CTNNA3: variants seen among roughly 807,000 people sequenced by gnomAD.
CTNNA3 encodes catenin alpha-3.
CTNNA3 carries 76 observed loss-of-function variants against 95.7 expected under a neutral mutation model. The observed-to-expected ratio is 0.79, with a 90% CI of 0.66 to 0.96. The LOEUF is 0.96. Ranked by LOEUF, CTNNA3 falls within the 40% of genes least tolerant of loss-of-function variation. CTNNA3 has a pLI of 0.00. For synonymous variants in CTNNA3, 431 were observed against 374.4 expected (o/e 1.15, Z -1.74); for missense variants, 1,191 against 1,089.8 (o/e 1.09, Z -1.31).
chr10:67,349,004 G>A (rs563987299), intron 5 of CTNNA3, among the ~76,000 whole-genome samples: 1 of 152,186 alleles, frequency 6.6e-6, no homozygotes, highest in South Asian at 2.1e-4. Flanking sequence ...CAACCACAAT[G>A]AGATATCATC....
intron 9 of CTNNA3, among the ~76,000 whole-genome samples, chr10:66,638,049 C>G (rs1408801872): frequency 2.0e-5 from 3 of 152,178 alleles, no homozygotes; most frequent in African/African-American, 7.2e-5. Flanking sequence ...CTCATTATCA[C>G]CTTCCACCAC....
intron 7 of CTNNA3, among the ~76,000 whole-genome samples, chr10:66,936,190 A>G (rs941444025): frequency 2.6e-5 from 4 of 152,198 alleles, no homozygotes; most frequent in African/African-American, 9.6e-5. Flanking sequence ...GGTCTAACAC[A>G]CACAGATGTG....
At chr10:67,135,653 T>A (rs1051748051) in intron 7 of CTNNA3, among the ~76,000 whole-genome samples, 1 of 152,128 alleles carries the variant, frequency 6.6e-6, no homozygotes, top group Non-Finnish European at 1.5e-5. Context: ...CCAGCCTGGA[T>A]GACAGAGTGA....
At chr10:67,155,140 G>T (rs1194685713) in intron 7 of CTNNA3, among the ~76,000 whole-genome samples, 1 of 151,678 alleles carries the variant, frequency 6.6e-6, no homozygotes, top group Middle Eastern at 3.2e-3. Flanking sequence ...CCAAGAACAA[G>T]AAGCATGTCT....
intron 7 of CTNNA3, among the ~76,000 whole-genome samples, chr10:67,000,691 A>T (rs1426821234): frequency 1.3e-5 from 2 of 152,206 alleles, no homozygotes; most frequent in Non-Finnish European, 2.9e-5. Flanking sequence ...ATATGAATTC[A>T]ATAGAAGAAA....
intron 12 of CTNNA3, among the ~76,000 whole-genome samples, chr10:66,349,656 A>G (rs12762103): frequency 0.11 from 16,001 of 152,098 alleles, 1,113 homozygotes; most frequent in East Asian, 0.24. Context: ...ATGATCTTTA[A>G]AAGTAATCAT....
At chr10:67,614,054 G>A (rs113863928) in intron 2 of CTNNA3, among the ~76,000 whole-genome samples, 94 of 152,282 alleles carry the variant, frequency 6.2e-4, no homozygotes, top group African/African-American at 2.1e-3. Flanking sequence ...GCAAGGAAGC[G>A]GACCCTACCA....
chr10:67,504,541 A>G (rs1839374063), intron 5 of CTNNA3, among the ~76,000 whole-genome samples: 1 of 151,902 alleles, frequency 6.6e-6, no homozygotes, highest in South Asian at 2.1e-4. Context: ...CTCTATATCC[A>G]CTAGGCCAGG....
intron 15 of CTNNA3, among the ~76,000 whole-genome samples, chr10:66,035,246 A>G (rs2079536434): frequency 6.6e-6 from 1 of 152,170 alleles, no homozygotes; most frequent in Non-Finnish European, 1.5e-5. Flanking sequence ...TGTGAAGCCG[A>G]AAAGGGTACA....
intron 12 of CTNNA3, among the ~76,000 whole-genome samples, chr10:66,367,046 C>T (rs1441975803): frequency 2.6e-5 from 4 of 152,164 alleles, no homozygotes; most frequent in African/African-American, 9.7e-5. Context: ...GCAGCCCACA[C>T]ACCCGGGCCT....
At chr10:66,589,779 T>G (rs1303866477) in intron 10 of CTNNA3, among the ~76,000 whole-genome samples, 2 of 152,126 alleles carry the variant, frequency 1.3e-5, no homozygotes, top group Non-Finnish European at 2.9e-5. Flanking sequence ...GCTTTTTCCC[T>G]TAGATAAGAT....
At chr10:66,832,196 ACT>A (rs1212431237) in intron 7 of CTNNA3, among the ~76,000 whole-genome samples, 1 of 152,114 alleles carries the variant, frequency 6.6e-6, no homozygotes, top group African/African-American at 2.4e-5. Context: ...AGAAAAAATG[ACT>A]CTATAGTTTT....
chr10:67,246,397 A>G (rs1865910074), intron 5 of CTNNA3, among the ~76,000 whole-genome samples: 1 of 152,210 alleles, frequency 6.6e-6, no homozygotes, highest in South Asian at 2.1e-4. Context: ...TATCATAAAT[A>G]CAACAGATGC....
At chr10:66,755,272 A>G (rs1468751347) in intron 9 of CTNNA3, among the ~76,000 whole-genome samples, 1 of 152,140 alleles carries the variant, frequency 6.6e-6, no homozygotes, top group Non-Finnish European at 1.5e-5. Flanking sequence ...TAGAGATAGA[A>G]AGTAGGGCTT....
intron 11 of CTNNA3, among the ~76,000 whole-genome samples, chr10:66,506,536 G>C (rs1036478731): frequency 2.6e-5 from 4 of 152,036 alleles, no homozygotes; most frequent in African/African-American, 9.7e-5. Context: ...TATTTCCTCA[G>C]TATCCTGACA....
intron 12 of CTNNA3, among the ~76,000 whole-genome samples, chr10:66,343,430 G>C (rs1179122082): frequency 6.6e-6 from 1 of 151,944 alleles, no homozygotes. Context: ...ACAGTGGATA[G>C]AATTGGAGGA....
intron 12 of CTNNA3, among the ~76,000 whole-genome samples, chr10:66,327,706 T>C (rs1233560602): frequency 6.6e-6 from 1 of 152,046 alleles, no homozygotes; most frequent in Non-Finnish European, 1.5e-5. Context: ...TAAAATTTTT[T>C]CCATTGTGTA....
chr10:66,016,753 A>C (rs571094810), intron 15 of CTNNA3, among the ~76,000 whole-genome samples: 1 of 152,256 alleles, frequency 6.6e-6, no homozygotes, highest in East Asian at 1.9e-4. Context: ...ATGTGCTTCT[A>C]TTCTCATCTA....
At chr10:66,374,717 C>G (rs2092782093) in intron 12 of CTNNA3, among the ~76,000 whole-genome samples, 1 of 145,602 alleles carries the variant, frequency 6.9e-6, no homozygotes, top group Non-Finnish European at 1.5e-5. Flanking sequence ...TGGGTTCAAG[C>G]AATTCTCCTG....
Sources: allele counts gnomAD v4.1 joint callset (sites outside exome capture counted in the v4.1 genomes callset), GRCh38; gene constraint gnomAD v4.1.1; transcripts MANE v1.5; gene names NCBI Gene and HGNC (gene_info 2026-07-23, HGNC 2026-07-21).